KNCN: variants seen among roughly 807,000 people sequenced by gnomAD.
KNCN encodes kinocilin.
Under a neutral mutation model 10.4 loss-of-function variants are expected in KNCN, and 11 were observed. That is an observed-to-expected ratio of 1.06 (90% confidence interval 0.67 to 1.75). The LOEUF is 1.75. KNCN is among the 40% of genes most tolerant of loss of function. The pLI, the probability that KNCN is intolerant of heterozygous loss-of-function variation, is 0.00. For synonymous variants in KNCN, 67 were observed against 71.6 expected (o/e 0.94, Z 0.33); for missense variants, 172 against 167.1 (o/e 1.03, Z -0.16).
chr1:46,550,413 C>A (rs1667040912), intron 1 of KNCN, among the ~76,000 whole-genome samples: 1 of 152,162 alleles, frequency 6.6e-6, no homozygotes, highest in African/African-American at 2.4e-5. Flanking sequence ...TGGAGCCAGT[C>A]CTGCCTTGCC....
At position 46,547,356 on chromosome 1, in the gene KNCN, C is replaced by CT. The variant is rs1666964185; in HGVS notation, c.*373dup. On this transcript the variant is annotated 3_prime_UTR_variant, in exon 4 of 4. Coordinates refer to ENST00000481882, the MANE Select transcript of KNCN (RefSeq NM_001322255.2). ...TCTGTAGCCGGGTTAGAGCAAGGGA[C>CT]TGGGGCATCCTGGTCATAGTCAGGG... The CT allele has an allele frequency of 2.0e-6, 1 of 488,610 alleles. No individual in the cohort carries two copies. Among genetic ancestry groups the CT allele is most frequent in the Admixed American group, 2.3e-5 (1 of 43,390 alleles). 30.3% of individuals were successfully genotyped at this position (488,610 alleles called of 1,614,324 possible).
chr1:46,551,470 C>T lies in KNCN; in HGVS notation c.-255G>A, dbSNP rs1442203092. On this transcript the variant is annotated 5_prime_UTR_variant, in exon 1 of 4. Coordinates refer to ENST00000481882, the MANE Select transcript of KNCN (RefSeq NM_001322255.2). This position sits in a 1 kb window ranked among gnomAD's most constrained non-coding sequence, Gnocchi z 4.0. ...CCAGCTTACTCTTCCTCTCTCAAAG[C>T]CCTCTGAAGCTGAAGCCCACCCTTG... is the stretch of plus-strand genomic sequence containing the variant. The T allele has an allele frequency of 4.8e-6, 2 of 417,966 alleles. No individual in the cohort carries two copies. Among genetic ancestry groups the T allele is most frequent in the Non-Finnish European group, 4.2e-6 (1 of 237,424 alleles). The allele number at this position is 417,966 out of a possible 1,614,324, so 25.9% of individuals were successfully genotyped here.
Position 46,551,258 on chromosome 1 carries a change from C to T in KNCN, c.-43G>A, listed in dbSNP as rs539904207. On this transcript the variant is annotated 5_prime_UTR_variant, in exon 1 of 4. Coordinates refer to ENST00000481882, the MANE Select transcript of KNCN (RefSeq NM_001322255.2). The surrounding 1 kb of genome is among the most constrained non-coding windows in gnomAD (Gnocchi z 4.0). Reference sequence around the variant, plus strand: ...ACTGCCTCCAGCCGGTGCAGTCTGGCCCCAGAAAAGTCCTGGAAGTTTCTG... The same window carrying T: ...ACTGCCTCCAGCCGGTGCAGTCTGGTCCCAGAAAAGTCCTGGAAGTTTCTG... 6.4e-7 allele frequency: 1 copy of T among 1,569,504 alleles called. No individual in the cohort carries two copies. Among genetic ancestry groups the T allele is most frequent in the South Asian group, 1.2e-5 (1 of 84,274 alleles).
chr1:46,547,866 T>C, intron 3 of KNCN, 57 bp from the exon 4 acceptor site: 1 of 1,339,308 alleles, frequency 7.5e-7, no homozygotes, highest in Non-Finnish European at 1.0e-6. Context: ...CATGGAGTTG[T>C]CAGGGTCAGA....
rs1314668425 is a variant in KNCN, at chr1:46,551,445, C to T, written c.-230G>A. The T allele has an allele frequency of 4.2e-6, 2 of 477,866 alleles. No homozygotes were observed. The highest frequency in any genetic ancestry group is 7.3e-6 in the Non-Finnish European group (2 of 274,700). The allele number at this position is 477,866 out of a possible 1,614,324, so 29.6% of individuals were successfully genotyped here. The stretch of plus-strand genomic sequence containing the variant: ...TGACCAGGGATCTGTACGAGGTCAC[C>T]CAGCTTACTCTTCCTCTCTCAAAGC... On this transcript the variant is annotated 5_prime_UTR_variant, in exon 1 of 4. Coordinates refer to ENST00000481882, the MANE Select transcript of KNCN (RefSeq NM_001322255.2). This position sits in a 1 kb window ranked among gnomAD's most constrained non-coding sequence, Gnocchi z 4.0.
At chr1:46,547,908 T>TCTGA in intron 3 of KNCN, 99 bp from the exon 4 acceptor site, 1 of 823,374 alleles carries the variant, frequency 1.2e-6, no homozygotes, top group Non-Finnish European at 1.8e-6. Flanking sequence ...CCGGGGTGCC[T>TCTGA]GGTTGACCCC....
intron 2 of KNCN, 152 bp downstream of exon 2, chr1:46,549,782 A>G (rs992791254): frequency 1.6e-6 from 1 of 625,822 alleles, no homozygotes; most frequent in South Asian, 4.1e-5. Flanking sequence ...CGCCTGCACA[A>G]CACACACACA....
chr1:46,548,350 T>C (rs751867686), intron 3 of KNCN, among the ~76,000 whole-genome samples: 11 of 151,822 alleles, frequency 7.2e-5, no homozygotes, highest in Non-Finnish European at 1.6e-4. Context: ...AGGTGTGGGG[T>C]GGAAGAACAA....
At chr1:46,547,900 G>T in intron 3 of KNCN, 91 bp from the exon 4 acceptor site, 2 of 952,344 alleles carry the variant, frequency 2.1e-6, no homozygotes, top group Non-Finnish European at 3.0e-6. Flanking sequence ...ACCCAAGGCC[G>T]GGGTGCCTGG....
chr1:46,547,823 C>A lies in KNCN; in HGVS notation c.296-14G>T, dbSNP rs748532030. On this transcript the variant is annotated splice_polypyrimidine_tract_variant and intron_variant, in intron 3 of 3. Coordinates refer to ENST00000481882, the MANE Select transcript of KNCN (RefSeq NM_001322255.2). ...TGCTGCGGGCTCCTGGGGGAGAGAA[C>A]AGGGACGAGGACTGCCTCCGTAGAC... 18 of 1,451,528 alleles carry A rather than the reference C, an allele frequency of 1.2e-5. No individual in the cohort carries two copies. The highest frequency in any genetic ancestry group is 5.0e-5 in the East Asian group (2 of 40,228). The allele number at this position is 1,451,528 out of a possible 1,614,324, so 89.9% of individuals were successfully genotyped here.
At chr1:46,549,072 T>C (rs1486651496) in intron 3 of KNCN, 121 bp downstream of exon 3, 2 of 659,354 alleles carry the variant, frequency 3.0e-6, no homozygotes, top group South Asian at 2.2e-5. Flanking sequence ...AACCGGGAGG[T>C]GGAGGTTGCA....
rs1667034783 is a variant in KNCN at position 46,550,113 on chromosome 1, A to G, written c.152-111T>C. On this transcript the variant is annotated intron_variant, in intron 1 of 3. Coordinates refer to ENST00000481882, the MANE Select transcript of KNCN (RefSeq NM_001322255.2). ...TTTGTGAGATATGGGTGTGCATGGG[A>G]GGAGCACAGTGTGCAGACTTGGGAC... 8 of 1,531,918 alleles carry G rather than the reference A, an allele frequency of 5.2e-6. No individual in the cohort carries two copies. The South Asian group carries it at 9.6e-5, about 18-fold the overall frequency. The allele number at this position is 1,531,918 out of a possible 1,614,324, so 94.9% of individuals were successfully genotyped here. A position where few individuals can be genotyped will look rare whatever the true frequency, so the allele number is the denominator to read the frequency against.
At chr1:46,550,915 CT>C in intron 1 of KNCN, 149 bp downstream of exon 1, 2 of 706,842 alleles carry the variant, frequency 2.8e-6, no homozygotes, top group Admixed American at 3.5e-5. Flanking sequence ...GCCTGTGCCC[CT>C]GATGGCGGCC....
rs112396204 is a variant in KNCN at position 46,549,901 on chromosome 1, G to A, written c.220+33C>T. The A allele has an allele frequency of 2.2e-5, 34 of 1,550,618 alleles. 1 individual carries two copies. The African/African-American group carries it at 2.3e-4, about 11-fold the overall frequency. ...AAAGGGTCTGGAACAGTCCTTGGCA[G>A]AGGGGTCTGCTGGGGTCAGGGAGAG... On this transcript the variant is annotated intron_variant, in intron 2 of 3. Coordinates refer to ENST00000481882, the MANE Select transcript of KNCN (RefSeq NM_001322255.2).
Position 46,551,043 on chromosome 1 carries a change from T to TCCCAG in KNCN, c.151+17_151+21dup. ...CCACCTCCAGAATCTCCCTTCCCTA[T>TCCCAG]CCCAGCCCAGCCCCTGCTCACCCAG... On this transcript the variant is annotated intron_variant, in intron 1 of 3. Transcript: ENST00000481882. This position sits in a 1 kb window ranked among gnomAD's most constrained non-coding sequence, Gnocchi z 4.0. 4 of 1,563,868 alleles carry TCCCAG rather than the reference T, an allele frequency of 2.6e-6. No individual in the cohort carries two copies. The highest frequency in any genetic ancestry group is 3.5e-6 in the Non-Finnish European group (4 of 1,153,534).
At position 46,551,060 on chromosome 1, in the gene KNCN, C is replaced by T. The variant is rs949680990; in HGVS notation, c.151+5G>A. 2 of 1,579,444 alleles carry T rather than the reference C, an allele frequency of 1.3e-6. No individual in the cohort carries two copies. The highest frequency in any genetic ancestry group is 8.6e-7 in the Non-Finnish European group (1 of 1,161,950). On this transcript the variant is annotated splice_donor_5th_base_variant and intron_variant, in intron 1 of 3. Transcript: ENST00000481882. The surrounding 1 kb of genome is among the most constrained non-coding windows in gnomAD (Gnocchi z 4.0). ...CTTCCCTATCCCAGCCCAGCCCCTGCTCACCCAGAACAGCAGCGCCAATAA... is the reference window on the plus strand; with the variant it reads ...CTTCCCTATCCCAGCCCAGCCCCTGTTCACCCAGAACAGCAGCGCCAATAA...
rs1666964024 is a variant in KNCN at position 46,547,355 on chromosome 1, A to G, written c.*375T>C. 2.0e-6 allele frequency: 1 copy of G among 488,150 alleles called. No homozygotes were observed. Among genetic ancestry groups the G allele is most frequent in the Admixed American group, 2.3e-5 (1 of 43,324 alleles). 30.2% of individuals were successfully genotyped at this position (488,150 alleles called of 1,614,324 possible). A position where few individuals can be genotyped will look rare whatever the true frequency, so the allele number is the denominator to read the frequency against. ...TTCTGTAGCCGGGTTAGAGCAAGGG[A>G]CTGGGGCATCCTGGTCATAGTCAGG... On this transcript the variant is annotated 3_prime_UTR_variant, in exon 4 of 4. Transcript: ENST00000481882.
chr1:46,550,980 C>A, intron 1 of KNCN, 85 bp downstream of exon 1: 1 of 1,306,496 alleles, frequency 7.7e-7, no homozygotes, highest in Non-Finnish European at 1.0e-6. Context: ...TGACCCAGCC[C>A]TTCCCTGTTC....
intron 3 of KNCN, among the ~76,000 whole-genome samples, 164 bp downstream of exon 3, chr1:46,549,029 T>C (rs1299484127): frequency 6.6e-6 from 1 of 152,004 alleles, no homozygotes; most frequent in Non-Finnish European, 1.5e-5. Context: ...TAATCCCAGC[T>C]GCTCGGGAGG....
Sources: gnomAD v4.1 joint callset for allele counts (sites outside exome capture counted in the v4.1 genomes callset) on GRCh38, gnomAD v4.1.1 for gene constraint, Gnocchi (gnomAD v3.1) non-coding constraint, MANE v1.5 for transcripts, NCBI Gene and HGNC (gene_info 2026-07-23, HGNC 2026-07-21) for gene names.